The following RACK1 variants were observed in gnomAD, a reference collection of about 807,000 sequenced individuals.
The protein encoded by RACK1 is receptor for activated C kinase 1.
RACK1 carries 3 observed loss-of-function variants against 42.2 expected under a neutral mutation model. That is an observed-to-expected ratio of 0.07 (90% CI 0.03 to 0.18). The LOEUF is 0.18. Among genes scored for constraint, RACK1 ranks in the 10% least tolerant of loss-of-function variants. The probability of loss-of-function intolerance (pLI) is 1.00; values close to 1 mark genes in which losing one functional copy is unlikely to be tolerated. For synonymous variants in RACK1, 181 were observed against 154.8 expected (o/e 1.17, Z -1.25); for missense variants, 146 against 403.2 (o/e 0.36, Z 5.46).
Position 181,237,646 on chromosome 5 carries a change from G to C in RACK1, c.851C>G (p.Pro284Arg). 4 of 1,611,088 alleles carry C rather than the reference G, an allele frequency of 2.5e-6. No individual in the cohort carries two copies. Among genetic ancestry groups the C allele is most frequent in the Non-Finnish European group, 3.4e-6 (4 of 1,177,248 alleles). The change falls in exon 7 of 8, where the codon CCC becomes CGC. Residue 284 changes from proline (P) to arginine (R), a missense_variant. Pro to Arg is a moderately radical substitution (Grantham distance 103). Transcript: ENST00000512805. The stretch of plus-strand genomic sequence containing the variant: ...AGACCAGGCCAGGGAGGTGCACTGG[G>C]GTGGTTCTGCCTTGCTGCTGGTACT... ...VISTSSKAEP[P>R]QCTSLAWSAD...
intron 6 of RACK1, 143 bp downstream of exon 6, chr5:181,237,956 A>C: frequency 1.2e-6 from 1 of 835,006 alleles, no homozygotes; most frequent in Non-Finnish European, 2.0e-6. Flanking sequence ...ACCACAACAG[A>C]GTTACTCAGA....
At chr5:181,240,627 C>T (rs542368433) in intron 3 of RACK1, among the ~76,000 whole-genome samples, 6 of 152,102 alleles carry the variant, frequency 3.9e-5, no homozygotes, top group Admixed American at 6.6e-5. Flanking sequence ...CCCAAATCCC[C>T]GATCCAGCCC....
At chr5:181,242,524 A>C (rs1437645367) in intron 1 of RACK1, 179 bp from the exon 2 acceptor site, 1 of 683,240 alleles carries the variant, frequency 1.5e-6, no homozygotes, top group Non-Finnish European at 2.7e-6. Flanking sequence ...TCTATTCCAG[A>C]CTAAAAACGC....
In RACK1 at chr5:181,243,088, C is replaced by G. The variant is rs186534749; in HGVS notation, c.109+604G>C. On this transcript the variant is annotated intron_variant, in intron 1 of 7. Transcript: ENST00000512805. ...CAGGATTGGATGCTTTTACTGAAAC[C>G]TGTCCCACTCAACAAATTTTACGAT... 5 of 397,722 alleles carry G rather than the reference C, an allele frequency of 1.3e-5. No individual in the cohort carries two copies. The East Asian group carries it at 3.6e-4, about 29-fold the overall frequency. 24.6% of individuals were successfully genotyped at this position (397,722 alleles called of 1,614,324 possible).
chr5:181,237,284 T>G, intron 7 of RACK1: 2 of 758,488 alleles, frequency 2.6e-6, no homozygotes, highest in Non-Finnish European at 4.6e-6. Context: ...CCGCTCTCAT[T>G]TCAACAGCCA....
chr5:181,237,971 A>G, intron 6 of RACK1, 128 bp downstream of exon 6: 3 of 1,012,340 alleles, frequency 3.0e-6, no homozygotes, highest in Non-Finnish European at 4.5e-6. Flanking sequence ...CTCAGACCAA[A>G]ATGTCATTAC....
chr5:181,237,585 A>G (rs768870758), intron 7 of RACK1, 24 bp downstream of exon 7: 4 of 1,169,984 alleles, frequency 3.4e-6, no homozygotes, highest in Non-Finnish European at 5.2e-6. Context: ...AAGCAGAATC[A>G]CCTGAGAGGA....
At position 181,243,844 on chromosome 5, in the gene RACK1, C is replaced by G. The variant is rs1359424480; in HGVS notation, c.-44G>C. 1 of 1,562,272 alleles carries G rather than the reference C, an allele frequency of 6.4e-7. No individual in the cohort carries two copies. Among genetic ancestry groups the G allele is most frequent in the Non-Finnish European group, 8.7e-7 (1 of 1,153,318 alleles). Reference sequence around the variant, plus strand: ...TGTCGCTGCAGCGACGAGGATGGCACTGGATGGCTTAGAGAAACTAGCACC... The same window carrying G: ...TGTCGCTGCAGCGACGAGGATGGCAGTGGATGGCTTAGAGAAACTAGCACC... On this transcript the variant is annotated 5_prime_UTR_variant, in exon 1 of 8. Transcript: ENST00000512805.
At chr5:181,241,444 GC>G in intron 3 of RACK1, 47 bp downstream of exon 3, 3 of 1,098,194 alleles carry the variant, frequency 2.7e-6, no homozygotes, top group Admixed American at 2.8e-5. Flanking sequence ...AAAAAAAAAA[GC>G]AAAGTTTAAG....
chr5:181,243,521 G>A, intron 1 of RACK1, 171 bp downstream of exon 1: 1 of 1,410,260 alleles, frequency 7.1e-7, no homozygotes, highest in Non-Finnish European at 9.5e-7. Flanking sequence ...CCCGGGTTGA[G>A]GCCTAGGCTC....
In RACK1 at chr5:181,238,058, G is replaced by C; in HGVS notation, c.777+41C>G. 6.2e-7 allele frequency: 1 copy of C among 1,606,838 alleles called. No individual in the cohort carries two copies. Among genetic ancestry groups the C allele is most frequent in the Non-Finnish European group, 8.5e-7 (1 of 1,173,984 alleles). On this transcript the variant is annotated intron_variant, in intron 6 of 7. Transcript: ENST00000512805. ...ATAACCAAAACATTGCCAGGGCTCA[G>C]AGTGCAGCCAGGTACCCAGTCAATT... is the stretch of plus-strand genomic sequence containing the variant.
At chr5:181,240,703 A>T (rs1404356819) in intron 3 of RACK1, among the ~76,000 whole-genome samples, 1 of 149,014 alleles carries the variant, frequency 6.7e-6, no homozygotes, top group Non-Finnish European at 1.5e-5. Flanking sequence ...AAAAATAAAT[A>T]AAATTTTGTT....
At chr5:181,239,443 G>A (rs991538374) in intron 4 of RACK1, 44 bp downstream of exon 4, 1 of 1,388,796 alleles carries the variant, frequency 7.2e-7, no homozygotes, top group Non-Finnish European at 1.0e-6. Flanking sequence ...CCACCTGGGA[G>A]CACACCCTGA....
rs755106833 is a variant in RACK1 at position 181,241,650 on chromosome 5, G to A, written c.282-11C>T. 7 of 1,613,634 alleles carry A rather than the reference G, an allele frequency of 4.3e-6. No homozygotes were observed. Among genetic ancestry groups the A allele is most frequent in the East Asian group, 2.2e-5 (1 of 44,890 alleles). On this transcript the variant is annotated splice_polypyrimidine_tract_variant and intron_variant, in intron 2 of 7. Coordinates refer to ENST00000512805, the MANE Select transcript of RACK1 (RefSeq NM_006098.5). ...CTCGTGGTGGTGCCCCTGAGAGGGAGGAGTTTGTCATTCTCAGACTTAGCA... is the reference window on the plus strand; with the variant it reads ...CTCGTGGTGGTGCCCCTGAGAGGGAAGAGTTTGTCATTCTCAGACTTAGCA...
At position 181,237,134 on chromosome 5, in the gene RACK1, C is replaced by G. The variant is rs1217886395; in HGVS notation, c.889-92G>C. ...CCAAGTGGCTTTTTTTGAGATCCGTCCACCTTGCTCCATTGTCTAGGCTGG... is the reference window on the plus strand; with the variant it reads ...CCAAGTGGCTTTTTTTGAGATCCGTGCACCTTGCTCCATTGTCTAGGCTGG... On this transcript the variant is annotated intron_variant, in intron 7 of 7. Transcript: ENST00000512805. The G allele has an allele frequency of 3.2e-6, 5 of 1,574,776 alleles. No individual in the cohort carries two copies. The East Asian group carries it at 9.2e-5, about 29-fold the overall frequency.
At chr5:181,242,001 C>T in intron 2 of RACK1, 173 bp downstream of exon 2, 1 of 786,784 alleles carries the variant, frequency 1.3e-6, no homozygotes, top group Non-Finnish European at 2.2e-6. Context: ...CACTCCTCAG[C>T]AATGCTGAGT....
At position 181,241,576 on chromosome 5, in the gene RACK1, A is replaced by T. The variant is rs1199398004; in HGVS notation, c.345T>A (p.Ser115=). 6.2e-7 allele frequency: 1 copy of T among 1,614,092 alleles called. No homozygotes were observed. The change falls in exon 3 of 8, where the codon TCT becomes TCA. Residue 115 remains serine, a synonymous_variant. Transcript: ENST00000512805. The part of the protein sequence containing the change: ...TKDVLSVAFS[S]DNRQIVSGSR... Reference sequence around the variant, plus strand: ...ATCCAGAGACAATCTGCCGGTTGTCAGAGGAGAAGGCCACACTCAGCACAT... The same window carrying T: ...ATCCAGAGACAATCTGCCGGTTGTCTGAGGAGAAGGCCACACTCAGCACAT...
At chr5:181,237,173 G>C in intron 7 of RACK1, 131 bp from the exon 8 acceptor site, 2 of 1,509,036 alleles carry the variant, frequency 1.3e-6, no homozygotes, top group Non-Finnish European at 1.8e-6. Context: ...GCAGGGGTGC[G>C]ATCCTGGCTC....
chr5:181,241,149 A>G lies in RACK1; in HGVS notation c.429+343T>C, dbSNP rs116133422. ...GAAAAAAAAAAAAAAAGGCAAAGAT[A>G]GGCAGGTGGGGGCTCACGCCTGTAA... On this transcript the variant is annotated intron_variant, in intron 3 of 7. Coordinates refer to ENST00000512805, the MANE Select transcript of RACK1 (RefSeq NM_006098.5). 7.5e-3 allele frequency: 1,286 copies of G among 172,236 alleles called. 18 individuals carry two copies. Among genetic ancestry groups the G allele is most frequent in the African/African-American group, 0.03 (1,227 of 41,100 alleles). 10.7% of individuals were successfully genotyped at this position (172,236 alleles called of 1,614,324 possible).
Sources: gnomAD v4.1 joint callset for allele counts (sites outside exome capture counted in the v4.1 genomes callset) on GRCh38, gnomAD v4.1.1 for gene constraint, MANE v1.5 for transcripts, NCBI Gene and HGNC (gene_info 2026-07-23, HGNC 2026-07-21) for gene names.